The following AIG1 variants were observed in gnomAD, a reference collection of about 807,000 sequenced individuals.
AIG1 encodes androgen-induced gene 1 protein.
AIG1 carries 23 observed loss-of-function variants against 31.4 expected under a neutral mutation model. The observed-to-expected ratio is 0.73, with a 90% CI of 0.53 to 1.04. The LOEUF (loss-of-function observed/expected upper bound fraction) is 1.04, where lower values mean the gene tolerates loss of function less well. Ranked by LOEUF, AIG1 falls within the 50% of genes least tolerant of loss-of-function variation. The pLI is 0.00. For synonymous variants in AIG1, 100 were observed against 110.5 expected (o/e 0.90, Z 0.60); for missense variants, 274 against 295.0 (o/e 0.93, Z 0.52).
chr6:143,278,859 T>A (rs1797147122), intron 3 of AIG1, among the ~76,000 whole-genome samples: 1 of 152,226 alleles, frequency 6.6e-6, no homozygotes, highest in African/African-American at 2.4e-5. Flanking sequence ...CTAATAAGAT[T>A]AATTCATTTT....
chr6:143,178,372 G>A (rs1447135595), intron 3 of AIG1, among the ~76,000 whole-genome samples: 1 of 152,178 alleles, frequency 6.6e-6, no homozygotes. Context: ...GGCAGCCTGT[G>A]TCCTGCGGGC....
chr6:143,155,982 T>G (rs957431193), intron 2 of AIG1, among the ~76,000 whole-genome samples: 1 of 152,166 alleles, frequency 6.6e-6, no homozygotes, highest in Non-Finnish European at 1.5e-5. Flanking sequence ...AAGAGGCTAC[T>G]GCAGGAGTCC....
At chr6:143,313,042 A>G (rs1775432996) in intron 4 of AIG1, among the ~76,000 whole-genome samples, 2 of 152,186 alleles carry the variant, frequency 1.3e-5, no homozygotes, top group African/African-American at 2.4e-5. Flanking sequence ...TTTTATCCAA[A>G]GACAGCCAAT....
intron 2 of AIG1, among the ~76,000 whole-genome samples, chr6:143,162,798 G>A (rs544752119): frequency 6.6e-6 from 1 of 152,140 alleles, no homozygotes; most frequent in Non-Finnish European, 1.5e-5. Context: ...GGGTCAGACT[G>A]GGGGAGGAGG....
At chr6:143,248,070 T>C (rs918087989) in intron 3 of AIG1, among the ~76,000 whole-genome samples, 1 of 152,198 alleles carries the variant, frequency 6.6e-6, no homozygotes, top group Non-Finnish European at 1.5e-5. Context: ...AAGTACTTGT[T>C]TGTGGTCTCC....
chr6:143,217,499 A>G (rs1234425604), intron 3 of AIG1, among the ~76,000 whole-genome samples: 2 of 152,110 alleles, frequency 1.3e-5, no homozygotes, highest in Admixed American at 6.6e-5. Context: ...AAACGTCTTT[A>G]TGGTTATATC....
chr6:143,339,978 A>T lies in AIG1; in HGVS notation c.*302A>T, dbSNP rs17072450. The T allele has an allele frequency of 7.0e-3, 1,756 of 250,798 alleles. 51 individuals carry two copies. The highest frequency in any genetic ancestry group is 0.05 in the Admixed American group (905 of 18,240). The allele number at this position is 250,798 out of a possible 1,614,324, so 15.5% of individuals were successfully genotyped here. On this transcript the variant is annotated 3_prime_UTR_variant, in exon 6 of 6. Coordinates refer to ENST00000357847, the MANE Select transcript of AIG1 (RefSeq NM_016108.4). ...TTGGATTTTTATTTTGGCAATTGTAACTCCATCTAATCAAGAAAGAATAAA... is the reference window on the plus strand; with the variant it reads ...TTGGATTTTTATTTTGGCAATTGTATCTCCATCTAATCAAGAAAGAATAAA...
chr6:143,251,415 C>T (rs1396032911), intron 3 of AIG1, among the ~76,000 whole-genome samples: 2 of 152,150 alleles, frequency 1.3e-5, no homozygotes, highest in Non-Finnish European at 2.9e-5. Context: ...AATCAATTCA[C>T]ATACTTTCTT....
chr6:143,104,788 T>C (rs145110904), intron 1 of AIG1, among the ~76,000 whole-genome samples: 25 of 151,916 alleles, frequency 1.6e-4, no homozygotes, highest in African/African-American at 5.6e-4. Flanking sequence ...CCTGATATCC[T>C]AGCTACTTGG....
At chr6:143,195,194 G>A (rs1211291870) in intron 3 of AIG1, among the ~76,000 whole-genome samples, 2 of 152,122 alleles carry the variant, frequency 1.3e-5, no homozygotes, top group African/African-American at 4.8e-5. Context: ...GATTTAGGGA[G>A]CAATTTCTGT....
rs1798049386 is a variant in AIG1 at position 143,291,375 on chromosome 6, G to A, written c.515+7150G>A. 6.6e-6 allele frequency among the ~76,000 whole-genome samples: 1 copy of A among 152,118 alleles called. No individual in the cohort carries two copies. The highest frequency in any genetic ancestry group is 2.4e-5 in the African/African-American group (1 of 41,408). On this transcript the variant is annotated intron_variant, in intron 4 of 5. Transcript: ENST00000357847. This position sits in a 1 kb window ranked among gnomAD's most constrained non-coding sequence, Gnocchi z 4.2. Reference sequence around the variant, plus strand: ...TGCTGCCCTGGACAGGAGCCAGGGGGTGTTAAAGAGGTCTAGCTGGAGCCA... The same window carrying A: ...TGCTGCCCTGGACAGGAGCCAGGGGATGTTAAAGAGGTCTAGCTGGAGCCA...
intron 3 of AIG1, among the ~76,000 whole-genome samples, chr6:143,235,678 A>G (rs1013969095): frequency 6.6e-6 from 1 of 152,208 alleles, no homozygotes; most frequent in Non-Finnish European, 1.5e-5. Flanking sequence ...AGATAAATAA[A>G]CAACAGAAAA....
chr6:143,129,152 G>A (rs1782974208), intron 1 of AIG1, among the ~76,000 whole-genome samples: 1 of 152,052 alleles, frequency 6.6e-6, no homozygotes, highest in Non-Finnish European at 1.5e-5. Flanking sequence ...TTAGGCGGGT[G>A]TGGGGGCAGG....
At chr6:143,126,918 CG>C (rs1440313756) in intron 1 of AIG1, among the ~76,000 whole-genome samples, 1 of 151,928 alleles carries the variant, frequency 6.6e-6, no homozygotes, top group African/African-American at 2.4e-5. Flanking sequence ...CTCCCCTACT[CG>C]GGACTATAGT....
chr6:143,152,779 C>G (rs1017757362), intron 2 of AIG1, among the ~76,000 whole-genome samples: 1 of 152,202 alleles, frequency 6.6e-6, no homozygotes, highest in Admixed American at 6.5e-5. Context: ...CCTACCCTCT[C>G]ACAATGCACA....
At chr6:143,251,197 C>T (rs1470841761) in intron 3 of AIG1, among the ~76,000 whole-genome samples, 2 of 151,998 alleles carry the variant, frequency 1.3e-5, no homozygotes, top group African/African-American at 2.4e-5. Flanking sequence ...GGATTACAGG[C>T]GTGCGCCACC....
intron 3 of AIG1, among the ~76,000 whole-genome samples, chr6:143,264,584 C>T (rs545870551): frequency 4.6e-5 from 7 of 152,286 alleles, no homozygotes; most frequent in South Asian, 2.1e-4. Context: ...CGATTATGTT[C>T]CATTGAAATC....
At chr6:143,109,554 T>C (rs1441773050) in intron 1 of AIG1, among the ~76,000 whole-genome samples, 1 of 152,132 alleles carries the variant, frequency 6.6e-6, no homozygotes, top group Non-Finnish European at 1.5e-5. Context: ...GATTTATTAT[T>C]TTTTTTAATT....
At chr6:143,335,821 T>C (rs6931802) in intron 5 of AIG1, among the ~76,000 whole-genome samples, 117,576 of 151,738 alleles carry the variant, frequency 0.77, 46,825 homozygotes, top group East Asian at 1. Context: ...CGGGCGTACA[T>C]GCCTGTAATC....
Sources: allele counts gnomAD v4.1 joint callset (sites outside exome capture counted in the v4.1 genomes callset), GRCh38; gene constraint gnomAD v4.1.1; non-coding constraint Gnocchi (gnomAD v3.1); transcripts MANE v1.5; gene names NCBI Gene and HGNC (gene_info 2026-07-23, HGNC 2026-07-21).